The following CFAP77 variants were observed in gnomAD, a reference collection of about 807,000 sequenced individuals.
CFAP77 encodes the protein cilia and flagella associated protein 77.
CFAP77 carries 25 observed loss-of-function variants against 31.1 expected under a neutral mutation model. The ratio of observed to expected loss-of-function variants is 0.80; its 90% CI spans 0.59 to 1.12. CFAP77 has a LOEUF of 1.12. Ranked by LOEUF, CFAP77 falls within the 50% of genes most tolerant of loss-of-function variation. CFAP77 has a pLI of 0.00. For synonymous variants in CFAP77, 151 were observed against 159.9 expected, an observed-to-expected ratio of 0.94 and a Z score of 0.42; for missense variants, 377 against 397.3, an observed-to-expected ratio of 0.95 and a Z score of 0.44.
intron 5 of CFAP77, among the ~76,000 whole-genome samples, chr9:132,569,908 G>T (rs947292109): frequency 6.6e-6 from 1 of 151,886 alleles, no homozygotes; most frequent in Non-Finnish European, 1.5e-5. Flanking sequence ...GCTAATTTTT[G>T]TATTTTTAGT....
At chr9:132,410,938 A>G (rs928924950) in intron 1 of CFAP77, among the ~76,000 whole-genome samples, 1 of 152,188 alleles carries the variant, frequency 6.6e-6, no homozygotes, top group African/African-American at 2.4e-5. Flanking sequence ...CTGTCCTGGA[A>G]GCATCACGTC....
At chr9:132,561,965 A>G (rs925676107) in intron 5 of CFAP77, among the ~76,000 whole-genome samples, 1 of 152,158 alleles carries the variant, frequency 6.6e-6, no homozygotes, top group Admixed American at 6.5e-5. Context: ...CCTCATCTCC[A>G]GGTAGAGCCT....
intron 1 of CFAP77, among the ~76,000 whole-genome samples, chr9:132,486,371 C>T (rs540079938): frequency 6.6e-6 from 1 of 151,922 alleles, no homozygotes; most frequent in African/African-American, 2.4e-5. Flanking sequence ...GGATTACAGG[C>T]GTGAGCCACC....
chr9:132,469,150 G>C (rs897081725), intron 1 of CFAP77, among the ~76,000 whole-genome samples: 1 of 152,178 alleles, frequency 6.6e-6, no homozygotes, highest in African/African-American at 2.4e-5. Flanking sequence ...TGCCAGGGTA[G>C]AACGAGCTCT....
chr9:132,547,217 C>T (rs566757819), intron 5 of CFAP77, among the ~76,000 whole-genome samples: 25 of 152,330 alleles, frequency 1.6e-4, no homozygotes, highest in African/African-American at 5.1e-4. Flanking sequence ...TCTGTGTGCA[C>T]GCATGACTCC....
rs545198920 is a variant in CFAP77 at position 132,436,089 on chromosome 9, G to A, written c.195+25623G>A. Among the ~76,000 whole-genome samples, 149 of 152,252 alleles carry A rather than the reference G, an allele frequency of 9.8e-4. 1 individual carries two copies. Among genetic ancestry groups the A allele is most frequent in the African/African-American group, 3.3e-3 (137 of 41,536 alleles). On this transcript the variant is annotated intron_variant, in intron 1 of 5. Transcript: ENST00000393216. The stretch of plus-strand genomic sequence containing the variant: ...TGTATTCATTTCCATGGCTGCCATC[G>A]CAAGTCACAACTTGGTGGCTTGAAA...
intron 1 of CFAP77, among the ~76,000 whole-genome samples, chr9:132,428,812 A>AC (rs61182431): frequency 0.29 from 43,215 of 149,536 alleles, 6,261 homozygotes; most frequent in Non-Finnish European, 0.31. Flanking sequence ...CACTTTGAAG[A>AC]CCCCCCCCTG....
chr9:132,537,751 G>A, intron 4 of CFAP77, 45 bp downstream of exon 4: 2 of 1,460,430 alleles, frequency 1.4e-6, no homozygotes, highest in South Asian at 1.2e-5. Flanking sequence ...ATGGGGTGGA[G>A]AAGAGAGAAG....
At chr9:132,415,746 A>T (rs925540887) in intron 1 of CFAP77, among the ~76,000 whole-genome samples, 3 of 152,128 alleles carry the variant, frequency 2.0e-5, no homozygotes, top group Non-Finnish European at 4.4e-5. Context: ...TGAAAGACAA[A>T]GTTTTCCTCA....
chr9:132,482,934 C>T (rs996057744), intron 1 of CFAP77, among the ~76,000 whole-genome samples: 5 of 144,854 alleles, frequency 3.5e-5, no homozygotes, highest in African/African-American at 1.3e-4. Context: ...CACATGTACC[C>T]TAAAACTTAA....
intron 5 of CFAP77, 120 bp downstream of exon 5, chr9:132,543,167 C>A (rs1397996115): frequency 4.0e-6 from 3 of 753,342 alleles, no homozygotes; most frequent in Non-Finnish European, 6.9e-6. Flanking sequence ...AGTACAACAG[C>A]CGCAGCAGCA....
At chr9:132,510,831 G>A (rs1033640342) in intron 3 of CFAP77, among the ~76,000 whole-genome samples, 6 of 152,142 alleles carry the variant, frequency 3.9e-5, no homozygotes, top group Non-Finnish European at 8.8e-5. Context: ...GCCAGTTTCC[G>A]GGGCTAGACA....
chr9:132,410,323 C>T lies in CFAP77; in HGVS notation c.52C>T (p.Gln18Ter). 2.5e-6 allele frequency: 4 copies of T among 1,597,106 alleles called. No individual in the cohort carries two copies. Among genetic ancestry groups the T allele is most frequent in the Non-Finnish European group, 3.4e-6 (4 of 1,173,222 alleles). Reference sequence around the variant, plus strand: ...GGACCTCACGCGATGGAGGAAGCAGCAGCAGCCTGTGCGCCGCACGGTCAG... The same window carrying T: ...GGACCTCACGCGATGGAGGAAGCAGTAGCAGCCTGTGCGCCGCACGGTCAG... Reference protein sequence around the residue: ...GPDLTRWRKQQQPVRRTVSQV... With the variant: ...GPDLTRWRKQ Residue 18 changes from glutamine to a stop codon, truncating the protein, a stop_gained, in exon 1 of 6, where the codon CAG (glutamine) becomes TAG (stop). Transcript: ENST00000393216. LOFTEE classifies it high-confidence loss of function.
At chr9:132,456,069 G>A (rs575029814) in intron 1 of CFAP77, among the ~76,000 whole-genome samples, 5 of 152,306 alleles carry the variant, frequency 3.3e-5, no homozygotes, top group South Asian at 2.1e-4. Context: ...GTCCATCCAC[G>A]AATATTTTAT....
At position 132,517,946 on chromosome 9, in the gene CFAP77, T is replaced by G. The variant is rs1808295173; in HGVS notation, c.524+18346T>G. Among the ~76,000 whole-genome samples the G allele has an allele frequency of 6.6e-6, 1 of 152,212 alleles. No homozygotes were observed. Among genetic ancestry groups the G allele is most frequent in the Non-Finnish European group, 1.5e-5 (1 of 68,030 alleles). ...CTATCCCAAGTAGGAGCTGATTTCA[T>G]TTCATTCCCCCTTTTTCGCTTTATG... On this transcript the variant is annotated intron_variant, in intron 3 of 5. Coordinates refer to ENST00000393216, the MANE Select transcript of CFAP77 (RefSeq NM_001282957.2). The surrounding 1 kb of genome is among the most constrained non-coding windows in gnomAD (Gnocchi z 4.7).
At chr9:132,491,496 T>C (rs1287889388) in intron 1 of CFAP77, among the ~76,000 whole-genome samples, 3 of 152,186 alleles carry the variant, frequency 2.0e-5, no homozygotes, top group Non-Finnish European at 4.4e-5. Context: ...TGTGTGATCA[T>C]TATACAAACG....
chr9:132,438,537 A>ATTTTTTTT (rs1181262639), intron 1 of CFAP77, among the ~76,000 whole-genome samples: 2 of 116,208 alleles, frequency 1.7e-5, no homozygotes, highest in Non-Finnish European at 3.3e-5. Context: ...ATATATATAT[A>ATTTTTTTT]TATATTTTTT....
At chr9:132,461,036 A>G (rs759477030) in intron 1 of CFAP77, among the ~76,000 whole-genome samples, 41 of 152,156 alleles carry the variant, frequency 2.7e-4, no homozygotes, top group Non-Finnish European at 5.4e-4. Flanking sequence ...AAAAGGGTCA[A>G]TTTTATACTA....
chr9:132,488,540 G>A (rs1014604292), intron 1 of CFAP77, among the ~76,000 whole-genome samples: 8 of 152,234 alleles, frequency 5.3e-5, no homozygotes, highest in African/African-American at 1.4e-4. Flanking sequence ...TGCAAGGCGG[G>A]TCACTCGTTT....
Sources: allele counts gnomAD v4.1 joint callset (sites outside exome capture counted in the v4.1 genomes callset), GRCh38; gene constraint gnomAD v4.1.1; non-coding constraint Gnocchi (gnomAD v3.1); transcripts MANE v1.5; gene names NCBI Gene and HGNC (gene_info 2026-07-23, HGNC 2026-07-21).